The following SLC29A3 variants were observed in gnomAD, a reference collection of about 807,000 sequenced individuals.
SLC29A3 encodes solute carrier family 29 member 3, also known as equilibrative nucleoside transporter 3.
A neutral mutation model predicts 25.4 loss-of-function variants in SLC29A3; 18 were observed. The observed-to-expected ratio is 0.71, with a 90% CI of 0.49 to 1.05. SLC29A3 has a LOEUF of 1.05. Ranked by LOEUF, SLC29A3 falls within the 50% of genes least tolerant of loss-of-function variation. The pLI is 0.00. For missense variants in SLC29A3, 586 were observed against 609.0 expected (o/e 0.96, Z 0.40); for synonymous variants, 258 against 267.1 (o/e 0.97, Z 0.33).
At chr10:71,343,235 G>T (rs973998251) in intron 2 of SLC29A3, among the ~76,000 whole-genome samples, 23 of 152,172 alleles carry the variant, frequency 1.5e-4, no homozygotes, top group Non-Finnish European at 1.2e-4. Context: ...CAAAATGCTG[G>T]GATTACAAGT....
In SLC29A3 at chr10:71,356,790, A is replaced by G. The variant is rs188158037; in HGVS notation, c.773+547A>G. ...GCAGTGAGCTGACTGCACTACTGCA[A>G]TTCCAGCCTGGGTGACGGCAAGACC... On this transcript the variant is annotated intron_variant, in intron 5 of 5. Transcript: ENST00000373189. 1.4e-4 allele frequency among the ~76,000 whole-genome samples: 22 copies of G among 152,310 alleles called. No individual in the cohort carries two copies. The East Asian group carries it at 3.7e-3, about 25-fold the overall frequency.
At chr10:71,335,948 G>C (rs781032598) in intron 2 of SLC29A3, among the ~76,000 whole-genome samples, 2 of 152,178 alleles carry the variant, frequency 1.3e-5, no homozygotes, top group Non-Finnish European at 2.9e-5. Flanking sequence ...GGACAGAGAT[G>C]ATGAGGAAGT....
chr10:71,374,021 T>C (rs1309260873), intron 3 of SLC29A3, among the ~76,000 whole-genome samples: 1 of 152,232 alleles, frequency 6.6e-6, no homozygotes, highest in Non-Finnish European at 1.5e-5. Flanking sequence ...TAAAGGTATA[T>C]ATGTGTCAAG....
chr10:71,377,777 TACTC>T (rs1418655522), intron 4 of SLC29A3, among the ~76,000 whole-genome samples: 1 of 152,232 alleles, frequency 6.6e-6, no homozygotes, highest in Non-Finnish European at 1.5e-5. Context: ...ATAAAAAAGA[TACTC>T]ATATTTGTTG....
chr10:71,360,775 G>A (rs761814447), intron 5 of SLC29A3, among the ~76,000 whole-genome samples: 2 of 152,122 alleles, frequency 1.3e-5, no homozygotes, highest in Non-Finnish European at 1.5e-5. Flanking sequence ...ATGAAAAGTC[G>A]AGGCAACCTA....
intron 2 of SLC29A3, among the ~76,000 whole-genome samples, chr10:71,325,106 G>T (rs1055668365): frequency 6.6e-6 from 1 of 152,142 alleles, no homozygotes; most frequent in South Asian, 2.1e-4. Context: ...AAACAAGAAG[G>T]GGGTATGCTA....
intron 1 of SLC29A3, among the ~76,000 whole-genome samples, chr10:71,319,902 T>C (rs7086520): frequency 0.48 from 73,578 of 151,960 alleles, 18,889 homozygotes; most frequent in African/African-American, 0.67. Context: ...TGTGGGGCTG[T>C]CTGTCTGTGC....
chr10:71,379,568 T>C (rs1054847193), intron 4 of SLC29A3, among the ~76,000 whole-genome samples: 5 of 152,254 alleles, frequency 3.3e-5, no homozygotes, highest in Admixed American at 2.0e-4. Context: ...GAAGTGGCTC[T>C]GAAGCAACTA....
At chr10:71,371,655 G>T (rs981652379) in intron 3 of SLC29A3, among the ~76,000 whole-genome samples, 1 of 152,154 alleles carries the variant, frequency 6.6e-6, no homozygotes, top group African/African-American at 2.4e-5. Flanking sequence ...TTTGAACCCC[G>T]ACTCTATGTC....
At chr10:71,342,559 T>G (rs1846438219) in intron 2 of SLC29A3, among the ~76,000 whole-genome samples, 1 of 152,266 alleles carries the variant, frequency 6.6e-6, no homozygotes, top group African/African-American at 2.4e-5. Flanking sequence ...TCATCAGAGA[T>G]TCTGCATTAC....
chr10:71,362,467 C>T lies in SLC29A3; in HGVS notation c.1287C>T (p.Leu429=). The part of the protein sequence containing the change: ...SSLLGLSNGY[L]STLALLYGPK... Reference sequence around the variant, plus strand: ...TGCTGGGGCTCAGCAACGGCTACCTCAGCACCCTGGCCCTCCTCTACGGGC... The same window carrying T: ...TGCTGGGGCTCAGCAACGGCTACCTTAGCACCCTGGCCCTCCTCTACGGGC... Residue 429 remains leucine (L), a synonymous_variant, in exon 6 of 6, where the codon CTC becomes CTT. Coordinates refer to ENST00000373189, the MANE Select transcript of SLC29A3 (RefSeq NM_018344.6). The T allele has an allele frequency of 6.2e-7, 1 of 1,614,210 alleles. No individual in the cohort carries two copies. The highest frequency in any genetic ancestry group is 2.2e-5 in the East Asian group (1 of 44,878).
In SLC29A3 at chr10:71,362,394, A is replaced by C; in HGVS notation, c.1214A>C (p.Lys405Thr). 1 of 1,614,098 alleles carries C rather than the reference A, an allele frequency of 6.2e-7. No individual in the cohort carries two copies. The highest frequency in any genetic ancestry group is 8.5e-7 in the Non-Finnish European group (1 of 1,180,018). ...LCNYQPRVHL[K>T]TVVFQSDVYP... Reference sequence around the variant, plus strand: ...AACTACCAGCCCCGCGTCCACCTGAAGACTGTGGTCTTCCAGTCCGATGTG... The same window carrying C: ...AACTACCAGCCCCGCGTCCACCTGACGACTGTGGTCTTCCAGTCCGATGTG... The change falls in exon 6 of 6, where the codon AAG (lysine) becomes ACG (threonine). Residue 405 changes from lysine to threonine, a missense_variant. Coordinates refer to ENST00000373189, the MANE Select transcript of SLC29A3 (RefSeq NM_018344.6).
chr10:71,330,601 C>T (rs1236375196), intron 2 of SLC29A3, among the ~76,000 whole-genome samples: 1 of 152,194 alleles, frequency 6.6e-6, no homozygotes, highest in African/African-American at 2.4e-5. Context: ...CGCCCTTGGG[C>T]CTTTTGCCCA....
At chr10:71,330,109 G>T (rs1417410944) in intron 2 of SLC29A3, among the ~76,000 whole-genome samples, 1 of 152,250 alleles carries the variant, frequency 6.6e-6, no homozygotes, top group East Asian at 1.9e-4. Context: ...ACGCCAGCCA[G>T]TGGTGGCCCC....
exon 5 of SLC29A3, chr10:71,380,260 A>G (rs1847292496): frequency 6.6e-6 from 1 of 151,914 alleles, no homozygotes; most frequent in African/African-American, 2.4e-5. Flanking sequence ...CTTGTTAACA[A>G]TTTTTCTCCC....
intron 2 of SLC29A3, among the ~76,000 whole-genome samples, chr10:71,325,760 C>T (rs888865471): frequency 6.6e-6 from 1 of 152,136 alleles, no homozygotes; most frequent in Non-Finnish European, 1.5e-5. Flanking sequence ...GTTAGTGATG[C>T]AGTCTCCCAC....
chr10:71,328,711 G>A (rs1846036371), intron 2 of SLC29A3, among the ~76,000 whole-genome samples: 1 of 152,222 alleles, frequency 6.6e-6, no homozygotes, highest in Non-Finnish European at 1.5e-5. Context: ...CTGCAAGGGA[G>A]CAGAAGAAGA....
At chr10:71,380,107 A>C (rs1024791386) in exon 5 of SLC29A3, 4 of 152,244 alleles carry the variant, frequency 2.6e-5, no homozygotes, top group Non-Finnish European at 5.9e-5. Context: ...TGGAGGCCCA[A>C]GGTCATTTGG....
intron 2 of SLC29A3, among the ~76,000 whole-genome samples, chr10:71,336,960 T>C (rs1846269141): frequency 6.6e-6 from 1 of 152,128 alleles, no homozygotes; most frequent in South Asian, 2.1e-4. Context: ...GAGGGACGGT[T>C]GCATGCAAGG....
Sources: gnomAD v4.1 joint callset for allele counts (sites outside exome capture counted in the v4.1 genomes callset) on GRCh38, gnomAD v4.1.1 for gene constraint, MANE v1.5 for transcripts, NCBI Gene and HGNC (gene_info 2026-07-23, HGNC 2026-07-21) for gene names.